ERCC6L2: variants seen among roughly 807,000 people sequenced by gnomAD.
ERCC6L2 encodes ERCC excision repair 6 like 2.
A neutral mutation model predicts 132.0 loss-of-function variants in ERCC6L2; 77 were observed. The observed-to-expected ratio is 0.58, with a 90% CI of 0.49 to 0.71. The LOEUF (loss-of-function observed/expected upper bound fraction) is 0.71. Among genes scored for constraint, ERCC6L2 ranks in the 30% least tolerant of loss-of-function variants. ERCC6L2 has a pLI of 0.00. For missense variants in ERCC6L2, 1,542 were observed against 1,837.6 expected, an observed-to-expected ratio of 0.84 and a Z score of 2.94; for synonymous variants, 583 against 632.4, an observed-to-expected ratio of 0.92 and a Z score of 1.17.
In ERCC6L2 at chr9:95,972,570, G is replaced by T. The variant is rs1226423743; in HGVS notation, c.2819G>T (p.Arg940Ile). 1 of 1,289,484 alleles carries T rather than the reference G, an allele frequency of 7.8e-7. No individual in the cohort carries two copies. Among genetic ancestry groups the T allele is most frequent in the Non-Finnish European group, 1.0e-6 (1 of 988,754 alleles). The allele number at this position is 1,289,484 out of a possible 1,614,324, so 79.9% of individuals were successfully genotyped here. The change falls in exon 16 of 19, where the codon AGA becomes ATA. Residue 940 changes from arginine to isoleucine, a missense_variant. By Grantham distance (97) the Arg-to-Ile change is moderately conservative. Around this residue, in one of 4 missense-constraint regions of ERCC6L2, gnomAD observed 945 missense variants for 1,105.2 expected, o/e 0.86. Transcript: ENST00000653738. The stretch of plus-strand genomic sequence containing the variant: ...GAAACAGAACACACTGTAAAAACAA[G>T]AAATAATGATAATAGTCGAAACACT... ...DSETEHTVKT[R>I]NNDNSRNTDD...
In ERCC6L2 at chr9:95,923,416, T is replaced by C. The variant is rs201616932; in HGVS notation, c.1533+37T>C. 201 of 1,606,686 alleles carry C rather than the reference T, an allele frequency of 1.3e-4. 3 individuals carry two copies. In the Admixed American group the frequency reaches 3.3e-3, roughly 27 times the overall value. Reference sequence around the variant, plus strand: ...TCTTTCAGGTTGCATACAGACATGATACACAAAATATTTATTCAGTGGTAT... The same window carrying C: ...TCTTTCAGGTTGCATACAGACATGACACACAAAATATTTATTCAGTGGTAT... On this transcript the variant is annotated intron_variant, in intron 9 of 18. Transcript: ENST00000653738.
chr9:95,975,877 A>G (rs974171691), intron 16 of ERCC6L2, among the ~76,000 whole-genome samples: 3 of 151,680 alleles, frequency 2.0e-5, no homozygotes, highest in African/African-American at 7.3e-5. Context: ...TTTGAAATTT[A>G]AAAAAAAATT....
At chr9:95,931,400 C>A (rs141178814) in intron 11 of ERCC6L2, among the ~76,000 whole-genome samples, 1 of 152,172 alleles carries the variant, frequency 6.6e-6, no homozygotes, top group African/African-American at 2.4e-5. Flanking sequence ...TTGAAGCTTT[C>A]TTTCACTGCT....
chr9:95,912,861 G>A (rs1013913569), intron 4 of ERCC6L2, among the ~76,000 whole-genome samples: 6 of 152,180 alleles, frequency 3.9e-5, no homozygotes, highest in Admixed American at 3.9e-4. Context: ...TCTGTCATCT[G>A]TATTTTAGTA....
In ERCC6L2 at chr9:95,920,856, A is replaced by G. The variant is rs182964911; in HGVS notation, c.1159-319A>G. On this transcript the variant is annotated intron_variant, in intron 6 of 18. Transcript: ENST00000653738. ...CAGTGGCGTGATCTCAGCTCACTGC[A>G]ACCTCTGACTCCTTGGTTCAAGCGA... Among the ~76,000 whole-genome samples the G allele has an allele frequency of 4.2e-3, 642 of 152,228 alleles. 3 individuals are homozygous for G. Among genetic ancestry groups the G allele is most frequent in the African/African-American group, 0.015 (615 of 41,532 alleles).
intron 4 of ERCC6L2, among the ~76,000 whole-genome samples, chr9:95,911,974 T>A (rs1829361108): frequency 6.6e-6 from 1 of 152,210 alleles, no homozygotes; most frequent in Non-Finnish European, 1.5e-5. Flanking sequence ...TCTATTGATT[T>A]CTTTTTAAGG....
Position 96,013,125 on chromosome 9 carries a change from A to G in ERCC6L2, c.4575A>G (p.Ser1525=), listed in dbSNP as rs762133916. Residue 1525 remains serine, a synonymous_variant, in exon 19 of 19, where the codon TCA becomes TCG. Coordinates refer to ENST00000653738, the MANE Select transcript of ERCC6L2 (RefSeq NM_020207.7). ...AGCCAGCAACTTCTCTTTGGAAATC[A>G]AATGAGAAATTTTTATGGAAGAAAT... is the stretch of plus-strand genomic sequence containing the variant. The part of the protein sequence containing the change: ...REEPATSLWK[S]NEKFLWKKFS... 8 of 1,367,204 alleles carry G rather than the reference A, an allele frequency of 5.9e-6. No homozygotes were observed. In the African/African-American group the frequency reaches 1.2e-4, roughly 20 times the overall value. The allele number at this position is 1,367,204 out of a possible 1,614,324, so 84.7% of individuals were successfully genotyped here.
At chr9:96,024,515 CG>C (rs1416908726) in intron 19 of ERCC6L2, among the ~76,000 whole-genome samples, 3 of 152,238 alleles carry the variant, frequency 2.0e-5, no homozygotes, top group African/African-American at 7.2e-5. Context: ...ACCTCTCCAG[CG>C]GTCTCTTTCT....
intron 12 of ERCC6L2, among the ~76,000 whole-genome samples, chr9:95,942,947 C>T (rs538378312): frequency 6.6e-6 from 1 of 152,064 alleles, no homozygotes; most frequent in South Asian, 2.1e-4. Flanking sequence ...ACATTGTTAA[C>T]AAAGAAATGA....
intron 2 of ERCC6L2, among the ~76,000 whole-genome samples, chr9:95,888,240 AG>A (rs1416708571): frequency 6.6e-6 from 1 of 152,120 alleles, no homozygotes; most frequent in African/African-American, 2.4e-5. Flanking sequence ...TTCTGGTCTA[AG>A]GGAAGGTTTA....
chr9:95,895,625 T>C (rs1223600276), intron 2 of ERCC6L2, among the ~76,000 whole-genome samples: 1 of 152,082 alleles, frequency 6.6e-6, no homozygotes, highest in East Asian at 1.9e-4. Flanking sequence ...TATCATAATC[T>C]AACATAAATT....
chr9:96,039,973 C>G (rs1834560011), intron 20 of ERCC6L2, among the ~76,000 whole-genome samples: 1 of 151,866 alleles, frequency 6.6e-6, no homozygotes, highest in African/African-American at 2.4e-5. Context: ...AATCCCAGCA[C>G]TTTGGGAGGT....
intron 16 of ERCC6L2, 58 bp downstream of exon 16, chr9:95,973,146 C>A (rs1832504662): frequency 4.6e-6 from 5 of 1,088,728 alleles, no homozygotes; most frequent in Non-Finnish European, 6.0e-6. Flanking sequence ...TCAAATAGTT[C>A]TGTGAGACGC....
intron 14 of ERCC6L2, chr9:95,968,066 A>C (rs1255093684): frequency 6.6e-6 from 1 of 152,222 alleles, no homozygotes; most frequent in Non-Finnish European, 1.5e-5. Context: ...GTTATTAAGT[A>C]GAAAAAGTTC....
chr9:95,907,338 GTTTTTTTTTT>G (rs36115321), intron 4 of ERCC6L2, 67 bp downstream of exon 4: 2 of 546,386 alleles, frequency 3.7e-6, no homozygotes, highest in African/African-American at 4.9e-5. Flanking sequence ...TATATTAAGA[GTTTTTTTTTT>G]TTTTTTTTTG....
chr9:96,033,844 G>A (rs1834489833), intron 19 of ERCC6L2, among the ~76,000 whole-genome samples: 1 of 152,160 alleles, frequency 6.6e-6, no homozygotes, highest in African/African-American at 2.4e-5. Context: ...GGCTGTGCCT[G>A]GTCAAAGGCA....
chr9:96,019,155 T>C (rs1228764682), downstream of ERCC6L2, among the ~76,000 whole-genome samples: 1 of 152,198 alleles, frequency 6.6e-6, no homozygotes, highest in Non-Finnish European at 1.5e-5. Context: ...TTTTTAACTT[T>C]GAATTTTCTT....
At chr9:95,900,040 A>G (rs956638777) in intron 3 of ERCC6L2, among the ~76,000 whole-genome samples, 1 of 150,898 alleles carries the variant, frequency 6.6e-6, no homozygotes, top group African/African-American at 2.5e-5. Context: ...TGATTTCTTA[A>G]TTTATTTATT....
intron 12 of ERCC6L2, among the ~76,000 whole-genome samples, chr9:95,951,151 A>T (rs1270119768): frequency 6.6e-6 from 1 of 152,216 alleles, no homozygotes; most frequent in African/African-American, 2.4e-5. Context: ...ATGAAACTAG[A>T]AATCAACAGC....
Sources: allele counts gnomAD v4.1 joint callset (sites outside exome capture counted in the v4.1 genomes callset), GRCh38; gene constraint gnomAD v4.1.1; regional missense constraint gnomAD v4.1.1; transcripts MANE v1.5; gene names NCBI Gene and HGNC (gene_info 2026-07-23, HGNC 2026-07-21).